The following UBOX5 variants were observed in gnomAD, a reference collection of about 807,000 sequenced individuals.
UBOX5 encodes RING finger protein 37.
UBOX5 carries 28 observed loss-of-function variants against 39.0 expected under a neutral mutation model. The observed-to-expected ratio is 0.72, with a 90% CI of 0.53 to 0.98. The LOEUF (loss-of-function observed/expected upper bound fraction) is 0.98. Among genes scored for constraint, UBOX5 ranks in the 50% least tolerant of loss-of-function variants. The probability of loss-of-function intolerance (pLI) is 0.00; values close to 1 mark genes in which losing one functional copy is unlikely to be tolerated. For synonymous variants in UBOX5, 283 were observed against 275.5 expected (o/e 1.03, Z -0.27); for missense variants, 585 against 674.4 (o/e 0.87, Z 1.47).
rs766635269 is a variant in UBOX5, at chr20:3,121,420, T to C, written c.1219A>G (p.Asn407Asp). ...EHTAKKMKAT[N>D]EPSLTHMDCS... ...TCCATATGTGTCAGGCTGGGCTCAT[T>C]GGTGGCTTTCATTTTCTTAGCAGTG... Residue 407 changes from asparagine to aspartate, a missense_variant, in exon 3 of 5, where the codon AAT (asparagine) becomes GAT (aspartate). Asn to Asp is a conservative substitution (Grantham distance 23). Coordinates refer to ENST00000217173, the MANE Select transcript of UBOX5 (RefSeq NM_014948.4). 1 of 1,613,940 alleles carries C rather than the reference T, an allele frequency of 6.2e-7. No homozygotes were observed. The highest frequency in any genetic ancestry group is 1.1e-5 in the South Asian group (1 of 91,062).
At chr20:3,156,063 G>T (rs753131922) in intron 1 of UBOX5, among the ~76,000 whole-genome samples, 1 of 151,936 alleles carries the variant, frequency 6.6e-6, no homozygotes, top group Non-Finnish European at 1.5e-5. Flanking sequence ...ACCAGATAGC[G>T]AAAACATACC....
chr20:3,114,176 C>A (rs534979500), intron 4 of UBOX5, among the ~76,000 whole-genome samples: 1 of 151,934 alleles, frequency 6.6e-6, no homozygotes, highest in Non-Finnish European at 1.5e-5. Context: ...GCTGTCAGGG[C>A]GGCAGGATGA....
chr20:3,145,595 C>A lies in UBOX5; in HGVS notation c.-42+14171G>T, dbSNP rs759231389. 6.6e-4 allele frequency among the ~76,000 whole-genome samples: 101 copies of A among 152,220 alleles called. 2 individuals carry two copies. Among genetic ancestry groups the A allele is most frequent in the South Asian group, 1.2e-3 (6 of 4,814 alleles). The stretch of plus-strand genomic sequence containing the variant: ...CTAGGACTGCGGGGGCACACCACCA[C>A]GCCTGGCTAATTTTATTTTTTTGCA... On this transcript the variant is annotated intron_variant, in intron 1 of 4. Coordinates refer to ENST00000217173, the MANE Select transcript of UBOX5 (RefSeq NM_014948.4).
intron 1 of UBOX5, among the ~76,000 whole-genome samples, chr20:3,139,003 A>G (rs2066494558): frequency 6.6e-6 from 1 of 152,196 alleles, no homozygotes; most frequent in East Asian, 1.9e-4. Context: ...AGAAGAAAAG[A>G]TTACCTGTCA....
Position 3,121,916 on chromosome 20 carries a change from C to T in UBOX5, c.723G>A (p.Glu241=), listed in dbSNP as rs369709314. The T allele has an allele frequency of 9.5e-5, 153 of 1,613,772 alleles. 2 individuals carry two copies. The highest frequency in any genetic ancestry group is 7.2e-4 in the South Asian group (66 of 91,092). ...ESDCDPGDQP[E]SQQAPSSLQK... ...GCAGGCTGGAGGGAGCCTGCTGGCT[C>T]TCAGGCTGGTCCCCAGGGTCACAGT... Residue 241 remains glutamate, a synonymous_variant, in exon 3 of 5, where the codon GAG becomes GAA. Coordinates refer to ENST00000217173, the MANE Select transcript of UBOX5 (RefSeq NM_014948.4).
chr20:3,124,483 C>T (rs1286857750), intron 1 of UBOX5, among the ~76,000 whole-genome samples: 1 of 152,224 alleles, frequency 6.6e-6, no homozygotes, highest in African/African-American at 2.4e-5. Flanking sequence ...CAACCTCCAC[C>T]TCCCAGCCGC....
In UBOX5 at chr20:3,114,185, G is replaced by A. The variant is rs574700113; in HGVS notation, c.1417+1120C>T. Among the ~76,000 whole-genome samples, 5 of 152,268 alleles carry A rather than the reference G, an allele frequency of 3.3e-5. No homozygotes were observed. The East Asian group carries it at 9.7e-4, about 29-fold the overall frequency. On this transcript the variant is annotated intron_variant, in intron 4 of 4. Transcript: ENST00000217173. ...TTGAGTGCTGTCAGGGCGGCAGGAT[G>A]AGTTCCAAGGAGAAGCAGGAGCTAC...
At chr20:3,134,154 C>T (rs2066451536) in intron 1 of UBOX5, among the ~76,000 whole-genome samples, 1 of 151,734 alleles carries the variant, frequency 6.6e-6, no homozygotes, top group South Asian at 2.1e-4. Context: ...TTTAATATAC[C>T]TTAATGATAA....
chr20:3,147,687 T>A, intron 1 of UBOX5: 5 of 1,614,250 alleles, frequency 3.1e-6, no homozygotes, highest in Non-Finnish European at 4.2e-6. Flanking sequence ...AATTCAGGCA[T>A]CTTTCTGTGA....
chr20:3,109,860 G>A lies in UBOX5; in HGVS notation c.*246C>T. 1 of 572,232 alleles carries A rather than the reference G, an allele frequency of 1.7e-6. No individual in the cohort carries two copies. The highest frequency in any genetic ancestry group is 3.1e-6 in the Non-Finnish European group (1 of 321,944). 35.4% of individuals were successfully genotyped at this position (572,232 alleles called of 1,614,324 possible). Reference sequence around the variant, plus strand: ...TGGGGCTGGCTCCAGTGGGTCCTGGGCTCAGGCAGGGGGGGTGGCAGGGAG... The same window carrying A: ...TGGGGCTGGCTCCAGTGGGTCCTGGACTCAGGCAGGGGGGGTGGCAGGGAG... On this transcript the variant is annotated 3_prime_UTR_variant, in exon 5 of 5. Coordinates refer to ENST00000217173, the MANE Select transcript of UBOX5 (RefSeq NM_014948.4).
In UBOX5 at chr20:3,131,173, G is replaced by A. The variant is rs532547300; in HGVS notation, c.-41-7767C>T. On this transcript the variant is annotated intron_variant, in intron 1 of 4. Transcript: ENST00000217173. ...GAACCTAGGAAGCAGAGGTTGCAGT[G>A]AGCCGAGATCATGCCACTGCATTCC... Among the ~76,000 whole-genome samples the A allele has an allele frequency of 2.3e-3, 346 of 151,296 alleles. 3 individuals are homozygous for A. Among genetic ancestry groups the A allele is most frequent in the African/African-American group, 7.5e-3 (310 of 41,168 alleles).
intron 1 of UBOX5, among the ~76,000 whole-genome samples, chr20:3,138,663 G>A (rs1413553595): frequency 6.6e-6 from 1 of 152,134 alleles, no homozygotes; most frequent in Non-Finnish European, 1.5e-5. Flanking sequence ...CTAAAACCTG[G>A]GCAAACTTGG....
chr20:3,153,072 T>C (rs981736480), intron 1 of UBOX5, among the ~76,000 whole-genome samples: 2 of 152,208 alleles, frequency 1.3e-5, no homozygotes, highest in African/African-American at 4.8e-5. Flanking sequence ...TACACACTAA[T>C]ATTGAGTGGA....
At chr20:3,113,819 G>A (rs1240869492) in intron 4 of UBOX5, among the ~76,000 whole-genome samples, 1 of 152,194 alleles carries the variant, frequency 6.6e-6, no homozygotes, top group Non-Finnish European at 1.5e-5. Flanking sequence ...GAGCAGTACA[G>A]AGTCTGAATG....
chr20:3,110,841 GAAAA>G (rs533897560), intron 4 of UBOX5: 1 of 98,814 alleles, frequency 1.0e-5, no homozygotes, highest in Admixed American at 1.0e-4. Flanking sequence ...CTACAAAAAA[GAAAA>G]AAAAAAAAAA....
intron 3 of UBOX5, among the ~76,000 whole-genome samples, chr20:3,118,000 A>G (rs1331740474): frequency 6.6e-6 from 1 of 152,074 alleles, no homozygotes; most frequent in African/African-American, 2.4e-5. Context: ...TCAAAAAATA[A>G]AAATAAAAAT....
chr20:3,110,304 C>T lies in UBOX5; in HGVS notation c.1428G>A (p.Gly476=), dbSNP rs138516390. Residue 476 remains glycine (G), a synonymous_variant, in exon 5 of 5, where the codon GGG becomes GGA. Coordinates refer to ENST00000217173, the MANE Select transcript of UBOX5 (RefSeq NM_014948.4). ...AGGCACATTCGGGGCCCAGGATGCT[C>T]CCAGGCTGCTCTGGTAAATCAGGAA... ...WRPGTGSEQP[G]SILGPECASC... 6.2e-7 allele frequency: 1 copy of T among 1,614,100 alleles called. No individual in the cohort carries two copies. Among genetic ancestry groups the T allele is most frequent in the East Asian group, 2.2e-5 (1 of 44,884 alleles).
At chr20:3,148,227 C>T (rs1333829782) in intron 1 of UBOX5, 1 of 1,613,922 alleles carries the variant, frequency 6.2e-7, no homozygotes, top group Non-Finnish European at 8.5e-7. Context: ...ATTAAGTGAA[C>T]TAGCTGAGAC....
Position 3,121,633 on chromosome 20 carries a change from A to G in UBOX5, c.1006T>C (p.Ser336Pro). ...CCAAGCAGGTGGCAGCCAGGGATGG[A>G]GTGCTGGAGCAGGAAATGGTCAATC... ...ARIDHFLLQH[S>P]IPGCHLLGRA... Residue 336 changes from serine (S) to proline (P), a missense_variant, in exon 3 of 5, where the codon TCC (serine) becomes CCC (proline). By Grantham distance (74) the Ser-to-Pro change is moderately conservative. Coordinates refer to ENST00000217173, the MANE Select transcript of UBOX5 (RefSeq NM_014948.4). 3 of 1,611,466 alleles carry G rather than the reference A, an allele frequency of 1.9e-6. No individual in the cohort carries two copies. Among genetic ancestry groups the G allele is most frequent in the Non-Finnish European group, 1.7e-6 (2 of 1,178,842 alleles).
Sources: allele counts gnomAD v4.1 joint callset (sites outside exome capture counted in the v4.1 genomes callset), GRCh38; gene constraint gnomAD v4.1.1; transcripts MANE v1.5; gene names NCBI Gene and HGNC (gene_info 2026-07-23, HGNC 2026-07-21).